PICALM: variants seen among roughly 807,000 people sequenced by gnomAD.
PICALM encodes the protein phosphatidylinositol binding clathrin assembly protein.
A neutral mutation model predicts 80.5 loss-of-function variants in PICALM; 40 were observed. The observed-to-expected ratio is 0.50, with a 90% CI of 0.39 to 0.65. PICALM has a LOEUF of 0.65. Among genes scored for constraint, PICALM ranks in the 30% least tolerant of loss-of-function variants. The probability of loss-of-function intolerance (pLI) is 0.00; values close to 1 mark genes in which losing one functional copy is unlikely to be tolerated. For missense variants in PICALM, 676 were observed against 778.9 expected, an observed-to-expected ratio of 0.87 and a Z score of 1.57; for synonymous variants, 288 against 260.3, an observed-to-expected ratio of 1.11 and a Z score of -1.02.
At chr11:86,020,819 T>G (rs1345665442) in intron 4 of PICALM, among the ~76,000 whole-genome samples, 7 of 152,156 alleles carry the variant, frequency 4.6e-5, no homozygotes, top group African/African-American at 1.7e-4. Context: ...GACCCTGGAT[T>G]AAACAATGAT....
chr11:86,003,970 GAAC>G (rs1297043016), intron 8 of PICALM, among the ~76,000 whole-genome samples: 1 of 152,110 alleles, frequency 6.6e-6, no homozygotes, highest in Non-Finnish European at 1.5e-5. Flanking sequence ...TGAGCATATG[GAAC>G]AACTGGAACT....
At chr11:85,959,827 G>A (rs997556622) in intron 19 of PICALM, among the ~76,000 whole-genome samples, 1 of 151,790 alleles carries the variant, frequency 6.6e-6, no homozygotes, top group Non-Finnish European at 1.5e-5. Flanking sequence ...TGATCCTCCC[G>A]CATCAGCCTC....
chr11:86,068,635 G>C lies in PICALM; in HGVS notation c.130+16C>G. On this transcript the variant is annotated intron_variant, in intron 1 of 19. Coordinates refer to ENST00000393346, the MANE Select transcript of PICALM (RefSeq NM_007166.4). ...GCGGGCGCCGGGGAGCGGGGGCCGC[G>C]GTCGGCTTCACTCACAGTCCAGGTG... is the stretch of plus-strand genomic sequence containing the variant. 6.3e-7 allele frequency: 1 copy of C among 1,597,674 alleles called. No individual in the cohort carries two copies. Among genetic ancestry groups the C allele is most frequent in the East Asian group, 2.2e-5 (1 of 44,530 alleles).
At position 86,029,679 on chromosome 11, in the gene PICALM, T is replaced by C. The variant is rs186928547; in HGVS notation, c.273+1790A>G. On this transcript the variant is annotated intron_variant, in intron 2 of 19. Transcript: ENST00000393346. ...CTGGCAGTGTAGCTGGTTATATTTG[T>C]GGCTTTTTCTTTTTAAAAAATAAAC... Among the ~76,000 whole-genome samples, 454 of 152,340 alleles carry C rather than the reference T, an allele frequency of 3.0e-3. 3 individuals carry two copies. The highest frequency in any genetic ancestry group is 0.01 in the African/African-American group (436 of 41,582).
In PICALM at chr11:85,965,815, GT is replaced by G. The variant is rs914561533; in HGVS notation, c.1945-6756del. ...AATGCATTACCCATTTTGTTTTTTT[GT>G]TTTTTTTTTTTTTTTTTTTTTTGAG... On this transcript the variant is annotated intron_variant, in intron 19 of 19. Coordinates refer to ENST00000393346, the MANE Select transcript of PICALM (RefSeq NM_007166.4). Among the ~76,000 whole-genome samples the G allele has an allele frequency of 9.2e-5, 10 of 108,154 alleles. No individual in the cohort carries two copies. In the South Asian group the frequency reaches 9.9e-4, roughly 11 times the overall value. The allele number at this position is 108,154 out of a possible 152,430, so 71.0% of individuals were successfully genotyped here.
chr11:86,033,380 G>A (rs2136835188), intron 1 of PICALM, among the ~76,000 whole-genome samples: 1 of 151,806 alleles, frequency 6.6e-6, no homozygotes, highest in Middle Eastern at 3.4e-3. Context: ...TCCCCCCACT[G>A]CATCACTGCC....
chr11:86,021,853 AG>A (rs2095569222), intron 4 of PICALM, among the ~76,000 whole-genome samples: 1 of 152,214 alleles, frequency 6.6e-6, no homozygotes, highest in Admixed American at 6.5e-5. Flanking sequence ...GGCTAGAAAA[AG>A]GAATAAAATA....
chr11:85,970,078 A>C (rs151266245), intron 19 of PICALM, among the ~76,000 whole-genome samples: 308 of 152,364 alleles, frequency 2.0e-3, no homozygotes, highest in African/African-American at 7.1e-3. Context: ...TAATGTCCAA[A>C]AACTATTACA....
At chr11:85,990,038 T>C (rs954352293) in intron 13 of PICALM, among the ~76,000 whole-genome samples, 20 of 109,674 alleles carry the variant, frequency 1.8e-4, no homozygotes, top group African/African-American at 7.0e-4. Flanking sequence ...AAGTTCAACA[T>C]CAAGAGAAAT....
chr11:86,057,712 T>C (rs1231867756), intron 1 of PICALM, among the ~76,000 whole-genome samples: 1 of 152,224 alleles, frequency 6.6e-6, no homozygotes, highest in Non-Finnish European at 1.5e-5. Context: ...CGCAGACATT[T>C]TTCCTTGTCA....
At chr11:85,963,125 G>C (rs79252431) in intron 19 of PICALM, among the ~76,000 whole-genome samples, 1 of 152,054 alleles carries the variant, frequency 6.6e-6, no homozygotes, top group South Asian at 2.1e-4. Flanking sequence ...ACATGATGTA[G>C]GGTTGCTAAA....
chr11:86,055,434 C>A (rs181438622), intron 1 of PICALM, among the ~76,000 whole-genome samples: 7 of 151,986 alleles, frequency 4.6e-5, no homozygotes, highest in Non-Finnish European at 1.0e-4. Context: ...CTTCATATAT[C>A]TAAGACTATT....
intron 7 of PICALM, 146 bp from the exon 8 acceptor site, chr11:86,007,729 A>C: frequency 6.2e-5 from 19 of 308,502 alleles, no homozygotes; most frequent in South Asian, 7.4e-5. Flanking sequence ...AAAAATACTC[A>C]ACATTTCCAA....
chr11:86,065,876 C>G (rs2096440899), intron 1 of PICALM, among the ~76,000 whole-genome samples: 1 of 152,082 alleles, frequency 6.6e-6, no homozygotes, highest in Non-Finnish European at 1.5e-5. Flanking sequence ...GTGGAAAGAT[C>G]TTGGCGAGAA....
intron 1 of PICALM, 108 bp from the exon 2 acceptor site, chr11:86,031,719 T>A: frequency 1.3e-6 from 1 of 753,178 alleles, no homozygotes; most frequent in Non-Finnish European, 2.1e-6. Context: ...AGTGGAGCAG[T>A]AATAGTTTGG....
intron 19 of PICALM, chr11:85,974,484 A>G (rs1565239953): frequency 1.5e-6 from 1 of 649,434 alleles, no homozygotes; most frequent in Non-Finnish European, 2.9e-6. Context: ...ACTATAAGTT[A>G]CCAAGAATTT....
chr11:86,003,739 A>T (rs538640611), intron 8 of PICALM: 1 of 221,446 alleles, frequency 4.5e-6, no homozygotes, highest in Non-Finnish European at 8.9e-6. Flanking sequence ...TTAAAGTAAA[A>T]CCATACTCCT....
chr11:86,037,622 C>T (rs1314727953), intron 1 of PICALM, among the ~76,000 whole-genome samples: 1 of 151,110 alleles, frequency 6.6e-6, no homozygotes, highest in African/African-American at 2.4e-5. Context: ...TAGTTTAAGC[C>T]CAAGAGTTTA....
At chr11:86,016,464 T>C (rs1330009621) in intron 4 of PICALM, among the ~76,000 whole-genome samples, 1 of 152,372 alleles carries the variant, frequency 6.6e-6, no homozygotes, top group East Asian at 1.9e-4. Flanking sequence ...ACATTGATCC[T>C]TTCTCATTTT....
Sources: gnomAD v4.1 joint callset for allele counts (sites outside exome capture counted in the v4.1 genomes callset) on GRCh38, gnomAD v4.1.1 for gene constraint, MANE v1.5 for transcripts, NCBI Gene and HGNC (gene_info 2026-07-23, HGNC 2026-07-21) for gene names.